Variants in CDH3 observed in about 807,000 individuals in gnomAD.
CDH3 encodes the protein cadherin-3.
In CDH3, 54 loss-of-function variants were observed where a neutral mutation model predicts 82.0. The observed-to-expected ratio is 0.66, with a 90% confidence interval of 0.53 to 0.83. The LOEUF is 0.83. CDH3 is among the 40% of genes least tolerant of loss of function. The pLI is 0.00. For missense variants in CDH3, 1,054 were observed against 1,084.6 expected, an observed-to-expected ratio of 0.97 and a Z score of 0.40; for synonymous variants, 446 against 437.9, an observed-to-expected ratio of 1.02 and a Z score of -0.23.
At chr16:68,672,467 A>C (rs1960913087) in intron 2 of CDH3, among the ~76,000 whole-genome samples, 1 of 152,168 alleles carries the variant, frequency 6.6e-6, no homozygotes, top group South Asian at 2.1e-4. Context: ...AACCTTTGCC[A>C]CATTATCGTT....
chr16:68,705,267 G>C (rs1238501648), downstream of CDH3, among the ~76,000 whole-genome samples: 1 of 152,150 alleles, frequency 6.6e-6, no homozygotes, highest in Non-Finnish European at 1.5e-5. Context: ...CTGCAAGGTG[G>C]AGTTGGCCTC....
Position 68,652,480 on chromosome 16 carries a change from G to A in CDH3, c.160+6730G>A, listed in dbSNP as rs545741343. Among the ~76,000 whole-genome samples, 9 of 152,304 alleles carry A rather than the reference G, an allele frequency of 5.9e-5. No homozygotes were observed. In the South Asian group the frequency reaches 6.2e-4, roughly 11 times the overall value. On this transcript the variant is annotated intron_variant, in intron 2 of 15. Coordinates refer to ENST00000264012, the MANE Select transcript of CDH3 (RefSeq NM_001793.6). ...CTATACCTCTGCAAAGCATTTGGAG[G>A]ATGATGGAAGAGGAGGGAGGAAGGG...
intron 2 of CDH3, among the ~76,000 whole-genome samples, chr16:68,648,844 G>A (rs1448578934): frequency 2.8e-5 from 4 of 140,494 alleles, no homozygotes; most frequent in African/African-American, 5.3e-5. Context: ...AAGCTCTCCC[G>A]GCCCCCCACC....
intron 2 of CDH3, among the ~76,000 whole-genome samples, chr16:68,659,425 C>T (rs1960498795): frequency 6.6e-6 from 1 of 151,822 alleles, no homozygotes; most frequent in Non-Finnish European, 1.5e-5. Flanking sequence ...CAAAAATTAG[C>T]CAGGCATGGT....
chr16:68,687,446 G>T, intron 11 of CDH3, 66 bp from the exon 12 acceptor site: 1 of 1,304,878 alleles, frequency 7.7e-7, no homozygotes. Context: ...CGGTAAACAG[G>T]AGGAGCCCCC....
At chr16:68,650,458 C>T (rs912118466) in intron 2 of CDH3, among the ~76,000 whole-genome samples, 50 of 152,242 alleles carry the variant, frequency 3.3e-4, no homozygotes, top group African/African-American at 1.1e-3. Flanking sequence ...TGCGCCACAA[C>T]GCCTGGCTAA....
rs912496716 is a variant in CDH3, at chr16:68,717,464, C to A, written c.100-4961C>A. ...TTGTCAGTGTAACAGTGTTAGGAAGCAGTGCCTTAAAGTTGTGATTAGGTC... is the reference window on the plus strand; with the variant it reads ...TTGTCAGTGTAACAGTGTTAGGAAGAAGTGCCTTAAAGTTGTGATTAGGTC... On this transcript the variant is annotated intron_variant, in intron 1 of 2. Coordinates refer to the CDH3 transcript ENST00000569080. Among the ~76,000 whole-genome samples, 4 of 152,144 alleles carry A rather than the reference C, an allele frequency of 2.6e-5. No homozygotes were observed. The South Asian group carries it at 8.3e-4, about 32-fold the overall frequency.
intron 2 of CDH3, among the ~76,000 whole-genome samples, chr16:68,723,840 T>C (rs113766835): frequency 0.049 from 7,443 of 151,726 alleles, 586 homozygotes; most frequent in African/African-American, 0.17. Context: ...GAGGCCGAGG[T>C]GGGTGGATCA....
chr16:68,695,400 G>T lies in CDH3; in HGVS notation c.2133+15G>T. ...AAGAGGACCAGGTGGGGCACTGGGG[G>T]CTCTGGGATTGGGAGGTGGATGCCC... On this transcript the variant is annotated intron_variant, in intron 14 of 15. Coordinates refer to ENST00000264012, the MANE Select transcript of CDH3 (RefSeq NM_001793.6). 7 of 1,599,512 alleles carry T rather than the reference G, an allele frequency of 4.4e-6. No individual in the cohort carries two copies. The highest frequency in any genetic ancestry group is 6.0e-6 in the Non-Finnish European group (7 of 1,173,430).
chr16:68,725,398 A>T (rs1488515805), intron 2 of CDH3, among the ~76,000 whole-genome samples: 1 of 151,386 alleles, frequency 6.6e-6, no homozygotes, highest in Non-Finnish European at 1.5e-5. Context: ...CAGTGGCCCG[A>T]TCTCGGCTCA....
chr16:68,687,264 G>A (rs569104423), intron 11 of CDH3, among the ~76,000 whole-genome samples: 14 of 152,286 alleles, frequency 9.2e-5, no homozygotes, highest in African/African-American at 2.2e-4. Flanking sequence ...TGAAGTAGCC[G>A]GTAGGTTTCG....
intron 2 of CDH3, among the ~76,000 whole-genome samples, chr16:68,665,974 G>C (rs961255756): frequency 1.3e-5 from 2 of 152,074 alleles, no homozygotes; most frequent in African/African-American, 2.4e-5. Flanking sequence ...AAACTGGAAG[G>C]CAAAATGGGG....
chr16:68,686,502 T>C (rs1280191454), intron 11 of CDH3: 5 of 1,148,018 alleles, frequency 4.4e-6, no homozygotes, highest in Non-Finnish European at 6.6e-6. Flanking sequence ...AGGAAAAGTA[T>C]TGCAGCAACA....
At chr16:68,696,304 AG>A in intron 15 of CDH3, 1 of 341,782 alleles carries the variant, frequency 2.9e-6, no homozygotes, top group Non-Finnish European at 5.8e-6. Flanking sequence ...CTGTAGTCCC[AG>A]CTACTCGGGA....
At chr16:68,684,084 A>G (rs554263379) in intron 9 of CDH3, among the ~76,000 whole-genome samples, 18 of 149,924 alleles carry the variant, frequency 1.2e-4, no homozygotes, top group Non-Finnish European at 1.6e-4. Context: ...AAAAAAAAAA[A>G]GCTGGGTGCG....
At chr16:68,712,635 G>A (rs1043317377) in intron 1 of CDH3, among the ~76,000 whole-genome samples, 3 of 151,750 alleles carry the variant, frequency 2.0e-5, no homozygotes, top group African/African-American at 7.3e-5. Context: ...ATGGGAGAAC[G>A]GTGGGAGAAC....
intron 15 of CDH3, among the ~76,000 whole-genome samples, chr16:68,697,239 G>T (rs1392601507): frequency 2.0e-5 from 3 of 151,360 alleles, no homozygotes; most frequent in African/African-American, 7.3e-5. Flanking sequence ...CAGGAGAATC[G>T]CTTGAACCCA....
chr16:68,658,054 TTTTC>T, intron 2 of CDH3, among the ~76,000 whole-genome samples: 1 of 148,050 alleles, frequency 6.8e-6, no homozygotes, highest in South Asian at 2.1e-4. Context: ...CTCCCAGTCT[TTTTC>T]TTTCTTTTTT....
intron 2 of CDH3, among the ~76,000 whole-genome samples, chr16:68,668,317 T>G (rs1380381267): frequency 6.6e-6 from 1 of 152,198 alleles, no homozygotes; most frequent in Non-Finnish European, 1.5e-5. Context: ...TGTGGAACCA[T>G]GCTGCAGTTA....
Sources: allele counts gnomAD v4.1 joint callset (sites outside exome capture counted in the v4.1 genomes callset), GRCh38; gene constraint gnomAD v4.1.1; transcripts MANE v1.5; gene names NCBI Gene and HGNC (gene_info 2026-07-23, HGNC 2026-07-21).